The following EFHD1 variants were observed in gnomAD, a reference collection of about 807,000 sequenced individuals.
The protein encoded by EFHD1 is EF-hand domain family member D1, also known as EF-hand domain-containing protein D1.
In EFHD1, 10 loss-of-function variants were observed where a neutral mutation model predicts 17.2. The ratio of observed to expected loss-of-function variants is 0.58; its 90% CI spans 0.36 to 0.99. The LOEUF (loss-of-function observed/expected upper bound fraction) is 0.99, where lower values mean the gene tolerates loss of function less well. EFHD1 is among the 50% of genes least tolerant of loss of function. The probability of loss-of-function intolerance (pLI) is 0.01; values close to 1 mark genes in which losing one functional copy is unlikely to be tolerated. For missense variants in EFHD1, 310 were observed against 327.5 expected (o/e 0.95, Z 0.41); for synonymous variants, 153 against 142.0 (o/e 1.08, Z -0.55).
chr2:232,628,850 C>T (rs1694152384), upstream of EFHD1, among the ~76,000 whole-genome samples: 1 of 152,200 alleles, frequency 6.6e-6, no homozygotes. Context: ...CTATAGAGTT[C>T]AGCTATGTGA....
At chr2:232,681,183 T>A (rs1393152269) in intron 3 of EFHD1, among the ~76,000 whole-genome samples, 3 of 151,512 alleles carry the variant, frequency 2.0e-5, no homozygotes, top group African/African-American at 7.3e-5. Flanking sequence ...AAATAAAAAA[T>A]AAAAAAAATA....
intron 2 of EFHD1, among the ~76,000 whole-genome samples, chr2:232,667,289 G>A (rs1455721987): frequency 2.6e-5 from 4 of 152,128 alleles, no homozygotes; most frequent in Non-Finnish European, 4.4e-5. Flanking sequence ...CAGGCCAATC[G>A]AATTCTCTCT....
upstream of EFHD1, among the ~76,000 whole-genome samples, chr2:232,631,760 G>A (rs1454538232): frequency 2.0e-5 from 3 of 147,414 alleles, no homozygotes; most frequent in Non-Finnish European, 4.4e-5. Context: ...CCAGCACTTC[G>A]GGAGGCCGAG....
intron 2 of EFHD1, among the ~76,000 whole-genome samples, chr2:232,671,714 T>A (rs907112542): frequency 7.3e-6 from 1 of 136,294 alleles, no homozygotes; most frequent in Non-Finnish European, 1.6e-5. Flanking sequence ...GCAACAAGAG[T>A]GAAACTCCAT....
chr2:232,641,992 C>T (rs10933401), intron 1 of EFHD1, among the ~76,000 whole-genome samples: 79,023 of 151,986 alleles, frequency 0.52, 20,735 homozygotes, highest in Middle Eastern at 0.58. Context: ...ACAGCTGGAG[C>T]CCCGGGGTAA....
At chr2:232,665,361 G>A (rs923241790) in intron 2 of EFHD1, among the ~76,000 whole-genome samples, 2 of 152,168 alleles carry the variant, frequency 1.3e-5, no homozygotes, top group Non-Finnish European at 2.9e-5. Flanking sequence ...TCATGTGTTA[G>A]ATGTGTCTTT....
rs1299616227 is a variant in EFHD1, at chr2:232,609,759, G to A, written c.14+3586G>A. Among the ~76,000 whole-genome samples the A allele has an allele frequency of 3.9e-5, 6 of 152,226 alleles. No homozygotes were observed. The East Asian group carries it at 7.7e-4, about 20-fold the overall frequency. ...CCCAAGATGAGACGGAAACAGTCCC[G>A]ACACACAATCAATCCTCACCTTTCT... On this transcript the variant is annotated intron_variant, in intron 1 of 3. Coordinates refer to the EFHD1 transcript ENST00000409613.
At chr2:232,614,299 T>G (rs1224917423) in intron 1 of EFHD1, among the ~76,000 whole-genome samples, 1 of 152,056 alleles carries the variant, frequency 6.6e-6, no homozygotes, top group Non-Finnish European at 1.5e-5. Flanking sequence ...TGACCCTGAG[T>G]GTGCCTGCCT....
intron 1 of EFHD1, among the ~76,000 whole-genome samples, chr2:232,622,935 A>T (rs1364052269): frequency 6.6e-6 from 1 of 152,228 alleles, no homozygotes; most frequent in Non-Finnish European, 1.5e-5. Flanking sequence ...ATAATGTTGG[A>T]CATATATTGG....
chr2:232,665,355 G>A (rs956688718), intron 2 of EFHD1, among the ~76,000 whole-genome samples: 9 of 152,164 alleles, frequency 5.9e-5, no homozygotes, highest in African/African-American at 2.2e-4. Flanking sequence ...GGAATTTCAT[G>A]TGTTAGATGT....
intron 1 of EFHD1, among the ~76,000 whole-genome samples, chr2:232,641,990 A>C (rs1344374168): frequency 6.6e-6 from 1 of 152,162 alleles, no homozygotes; most frequent in Non-Finnish European, 1.5e-5. Context: ...TCACAGCTGG[A>C]GCCCCGGGGT....
chr2:232,614,173 AAC>A (rs987189198), intron 1 of EFHD1, among the ~76,000 whole-genome samples: 4 of 151,126 alleles, frequency 2.6e-5, no homozygotes, highest in African/African-American at 7.4e-5. Context: ...CATATATACA[AAC>A]ACACACACCT....
At chr2:232,616,297 CTTTA>C (rs952016305) in intron 1 of EFHD1, among the ~76,000 whole-genome samples, 5 of 151,802 alleles carry the variant, frequency 3.3e-5, no homozygotes, top group Non-Finnish European at 5.9e-5. Flanking sequence ...CACGATACCA[CTTTA>C]TTTATTTTTT....
chr2:232,639,275 G>C (rs919297935), intron 1 of EFHD1, among the ~76,000 whole-genome samples: 1 of 152,164 alleles, frequency 6.6e-6, no homozygotes. Context: ...TACAGAAAGA[G>C]AAAGGTCCTT....
intron 1 of EFHD1, among the ~76,000 whole-genome samples, chr2:232,612,842 C>G (rs924484545): frequency 2.0e-5 from 3 of 151,052 alleles, no homozygotes; most frequent in Non-Finnish European, 2.9e-5. Flanking sequence ...AAGCAATTCT[C>G]CTGCCTCAGC....
intron 1 of EFHD1, among the ~76,000 whole-genome samples, chr2:232,614,887 G>A (rs1693893102): frequency 6.6e-6 from 1 of 152,130 alleles, no homozygotes; most frequent in Non-Finnish European, 1.5e-5. Context: ...GAGGCAGGAG[G>A]ATCGCTTGAG....
chr2:232,612,225 G>C (rs1264831434), intron 1 of EFHD1, among the ~76,000 whole-genome samples: 2 of 152,158 alleles, frequency 1.3e-5, no homozygotes, highest in African/African-American at 4.8e-5. Context: ...TAGGCCTGGA[G>C]CACCATCCCC....
chr2:232,675,472 G>T (rs1695155239), intron 3 of EFHD1, among the ~76,000 whole-genome samples: 1 of 152,136 alleles, frequency 6.6e-6, no homozygotes, highest in African/African-American at 2.4e-5. Flanking sequence ...TCCCCCGACT[G>T]CTGAGTGTTA....
At chr2:232,657,191 C>T (rs760465540) in intron 1 of EFHD1, among the ~76,000 whole-genome samples, 25 of 152,198 alleles carry the variant, frequency 1.6e-4, no homozygotes, top group Non-Finnish European at 2.4e-4. Context: ...CCCTCCTAAA[C>T]TGAAACTCTG....
Sources: gnomAD v4.1 joint callset for allele counts (sites outside exome capture counted in the v4.1 genomes callset) on GRCh38, gnomAD v4.1.1 for gene constraint, MANE v1.5 for transcripts, NCBI Gene and HGNC (gene_info 2026-07-23, HGNC 2026-07-21) for gene names.